TACR3: variants seen among roughly 807,000 people sequenced by gnomAD.
TACR3 encodes the protein neuromedin-K receptor.
A neutral mutation model predicts 35.0 loss-of-function variants in TACR3; 34 were observed. The observed-to-expected ratio is 0.97, with a 90% CI of 0.74 to 1.30. The LOEUF (loss-of-function observed/expected upper bound fraction) is 1.30, where lower values mean the gene tolerates loss of function less well. Ranked by LOEUF, TACR3 falls within the 50% of genes most tolerant of loss-of-function variation. The pLI is 0.00. For synonymous variants in TACR3, 233 were observed against 221.1 expected, an observed-to-expected ratio of 1.05 and a Z score of -0.48; for missense variants, 558 against 591.7, an observed-to-expected ratio of 0.94 and a Z score of 0.59.
intron 3 of TACR3, among the ~76,000 whole-genome samples, chr4:103,641,514 C>T (rs1318896020): frequency 1.3e-5 from 2 of 151,876 alleles, no homozygotes; most frequent in Non-Finnish European, 2.9e-5. Flanking sequence ...CTTCCTTGTA[C>T]ACTGTTGTTG....
At chr4:103,624,047 A>G (rs1342377854) in intron 3 of TACR3, among the ~76,000 whole-genome samples, 2 of 152,330 alleles carry the variant, frequency 1.3e-5, no homozygotes, top group East Asian at 1.9e-4. Flanking sequence ...TTATATGAAG[A>G]GAATTATTTC....
chr4:103,664,336 C>T lies in TACR3; in HGVS notation c.549-5933G>A, dbSNP rs183750821. On this transcript the variant is annotated intron_variant, in intron 1 of 4. Coordinates refer to ENST00000304883, the MANE Select transcript of TACR3 (RefSeq NM_001059.3). ...TTTTGTCTGATGTCAATAAGAAAGC[C>T]TTTCCAATTTTGTAATTGTTATTTG... Among the ~76,000 whole-genome samples, 516 of 152,180 alleles carry T rather than the reference C, an allele frequency of 3.4e-3. 2 individuals carry two copies. Among genetic ancestry groups the T allele is most frequent in the African/African-American group, 0.012 (483 of 41,506 alleles).
chr4:103,674,109 T>C (rs1726114338), intron 1 of TACR3, among the ~76,000 whole-genome samples: 1 of 152,110 alleles, frequency 6.6e-6, no homozygotes, highest in Non-Finnish European at 1.5e-5. Flanking sequence ...GTAAAGGAAG[T>C]GAAACATTTT....
chr4:103,628,873 C>A (rs962972402), intron 3 of TACR3, among the ~76,000 whole-genome samples: 1 of 151,914 alleles, frequency 6.6e-6, no homozygotes, highest in African/African-American at 2.4e-5. Context: ...TGATGAACAT[C>A]AATGCAAAAA....
At chr4:103,606,703 A>T (rs1724376949) in intron 3 of TACR3, among the ~76,000 whole-genome samples, 2 of 152,072 alleles carry the variant, frequency 1.3e-5, no homozygotes, top group South Asian at 4.1e-4. Flanking sequence ...GTTGCTTATC[A>T]GCTTAAGGAG....
Position 103,662,217 on chromosome 4 carries a change from G to GGTTTTTT in TACR3, c.549-3815_549-3814insAAAAAAC, listed in dbSNP as rs1553972885. On this transcript the variant is annotated intron_variant, in intron 1 of 4. Coordinates refer to ENST00000304883, the MANE Select transcript of TACR3 (RefSeq NM_001059.3). ...TGTGAAAAACTCCTATGTTGATGGT[G>GGTTTTTT]TTTTTTTTTTTTTTTTTTTTGAGAC... is the stretch of plus-strand genomic sequence containing the variant. 3.5e-5 allele frequency among the ~76,000 whole-genome samples: 3 copies of GGTTTTTT among 86,272 alleles called. 1 individual carries two copies. The highest frequency in any genetic ancestry group is 6.9e-5 in the Non-Finnish European group (3 of 43,336). The allele number at this position is 86,272 out of a possible 152,430, so 56.6% of individuals were successfully genotyped here. A position where few individuals can be genotyped will look rare whatever the true frequency, so the allele number is the denominator to read the frequency against.
intron 3 of TACR3, among the ~76,000 whole-genome samples, chr4:103,607,879 T>C (rs545556535): frequency 1.3e-5 from 2 of 152,138 alleles, no homozygotes; most frequent in South Asian, 2.1e-4. Flanking sequence ...CACTACAGGG[T>C]TTTCCTCTCC....
At chr4:103,708,317 G>A (rs994783635) in intron 1 of TACR3, among the ~76,000 whole-genome samples, 12 of 148,834 alleles carry the variant, frequency 8.1e-5, no homozygotes, top group African/African-American at 2.5e-4. Flanking sequence ...CCAGAGGAAC[G>A]ATCATTCCAG....
chr4:103,658,265 G>A lies in TACR3; in HGVS notation c.687C>T (p.Gly229=), dbSNP rs757975317. 1 of 1,613,982 alleles carries A rather than the reference G, an allele frequency of 6.2e-7. No individual in the cohort carries two copies. Among genetic ancestry groups the A allele is most frequent in the East Asian group, 2.2e-5 (1 of 44,844 alleles). Residue 229 remains glycine (G), a synonymous_variant, in exon 2 of 5, where the codon GGC becomes GGT. Coordinates refer to ENST00000304883, the MANE Select transcript of TACR3 (RefSeq NM_001059.3). Reference sequence around the variant, plus strand: ...GCCATTGCACAAAGCAGAGAGTACGGCCTGGCATGACTTTGGTTTTGGAAT... The same window carrying A: ...GCCATTGCACAAAGCAGAGAGTACGACCTGGCATGACTTTGGTTTTGGAAT... ...CLYSKTKVMP[G]RTLCFVQWPE... is the part of the protein sequence containing the mutation.
chr4:103,594,207 C>G (rs1364496561), intron 3 of TACR3, among the ~76,000 whole-genome samples: 1 of 149,580 alleles, frequency 6.7e-6, no homozygotes, highest in East Asian at 2.0e-4. Flanking sequence ...GACAGAGTCT[C>G]ACTCTTGTCA....
chr4:103,706,896 C>T (rs567159531), intron 1 of TACR3, among the ~76,000 whole-genome samples: 2 of 152,240 alleles, frequency 1.3e-5, no homozygotes, highest in African/African-American at 4.8e-5. Context: ...ATCTGCTTCC[C>T]AAGCTATATC....
intron 1 of TACR3, among the ~76,000 whole-genome samples, chr4:103,688,945 C>T (rs1023784147): frequency 1.1e-4 from 16 of 152,104 alleles, no homozygotes; most frequent in Non-Finnish European, 1.8e-4. Flanking sequence ...AAAACACATG[C>T]ACGCGTATGT....
chr4:103,626,072 A>ATAGTT (rs1026710163), intron 3 of TACR3, among the ~76,000 whole-genome samples: 1 of 152,188 alleles, frequency 6.6e-6, no homozygotes, highest in Non-Finnish European at 1.5e-5. Context: ...ATAAATGTCT[A>ATAGTT]TAGTTTAAGC....
chr4:103,591,407 C>A, intron 4 of TACR3, 80 bp downstream of exon 4: 1 of 1,555,250 alleles, frequency 6.4e-7, no homozygotes, highest in South Asian at 1.1e-5. Flanking sequence ...GAATTTGAAC[C>A]AAGAAAATGG....
intron 3 of TACR3, among the ~76,000 whole-genome samples, chr4:103,604,779 T>C (rs951242064): frequency 6.8e-6 from 1 of 147,968 alleles, no homozygotes; most frequent in Non-Finnish European, 1.5e-5. Flanking sequence ...AACAAACATA[T>C]GAAAGAAAGC....
At chr4:103,600,238 TGC>T (rs1390562599) in intron 3 of TACR3, among the ~76,000 whole-genome samples, 3 of 152,236 alleles carry the variant, frequency 2.0e-5, no homozygotes, top group Non-Finnish European at 4.4e-5. Context: ...CTAGTTTATT[TGC>T]ATAGAGGTAT....
At chr4:103,635,526 G>T (rs1002792992) in intron 3 of TACR3, among the ~76,000 whole-genome samples, 5 of 151,866 alleles carry the variant, frequency 3.3e-5, no homozygotes, top group African/African-American at 1.2e-4. Flanking sequence ...ATATAAAGTG[G>T]GTTGCTTTGG....
chr4:103,658,684 T>TG (rs1465288275), intron 1 of TACR3, among the ~76,000 whole-genome samples: 2 of 152,068 alleles, frequency 1.3e-5, no homozygotes, highest in Non-Finnish European at 2.9e-5. Context: ...ACCCATCTCT[T>TG]GGGGTAAAGT....
In TACR3 at chr4:103,687,355, C is replaced by T. The variant is rs551754836; in HGVS notation, c.549-28952G>A. Among the ~76,000 whole-genome samples, 1,233 of 152,198 alleles carry T rather than the reference C, an allele frequency of 8.1e-3. 19 individuals are homozygous for T. The highest frequency in any genetic ancestry group is 0.028 in the African/African-American group (1,180 of 41,536). On this transcript the variant is annotated intron_variant, in intron 1 of 4. Coordinates refer to ENST00000304883, the MANE Select transcript of TACR3 (RefSeq NM_001059.3). ...CTGGCACAAGACAGGGATGCCCTCT[C>T]TCAACACTCCTATTCAACATAGTGT...
Sources: gnomAD v4.1 joint callset for allele counts (sites outside exome capture counted in the v4.1 genomes callset) on GRCh38, gnomAD v4.1.1 for gene constraint, MANE v1.5 for transcripts, NCBI Gene and HGNC (gene_info 2026-07-23, HGNC 2026-07-21) for gene names.